The following ADGRL4 variants were observed in gnomAD, a reference collection of about 807,000 sequenced individuals.
ADGRL4 encodes the protein EGF, latrophilin and seven transmembrane domain containing 1.
Under a neutral mutation model 74.8 loss-of-function variants are expected in ADGRL4, and 90 were observed. The observed-to-expected ratio is 1.20, with a 90% CI of 1.02 to 1.43. ADGRL4 has a LOEUF of 1.43. ADGRL4 is among the 40% of genes most tolerant of loss of function. The pLI is 0.00. For synonymous variants in ADGRL4, 311 were observed against 279.2 expected (o/e 1.11, Z -1.14); for missense variants, 881 against 814.3 (o/e 1.08, Z -1.00).
intron 12 of ADGRL4, among the ~76,000 whole-genome samples, chr1:78,903,123 G>A (rs1648552689): frequency 6.6e-6 from 1 of 152,054 alleles, no homozygotes; most frequent in Non-Finnish European, 1.5e-5. Context: ...CATGCTCTAT[G>A]GAGTGGAATC....
Position 78,920,229 on chromosome 1 carries a change from A to G in ADGRL4, c.1415T>C (p.Leu472Pro). Residue 472 changes from leucine to proline, a missense_variant, in exon 10 of 15, where the codon CTT becomes CCT. By Grantham distance (98) the Leu-to-Pro change is moderately conservative. Coordinates refer to ENST00000370742, the MANE Select transcript of ADGRL4 (RefSeq NM_022159.4). ...IHKNLCCSLF[L>P]AELVFLVGIN... ...CCCAACAAGAAAAACAAGTTCAGCA[A>G]GAAATAGGCTACAGCAAAGATTTTT... 6.2e-7 allele frequency: 1 copy of G among 1,611,958 alleles called. No individual in the cohort carries two copies. Among genetic ancestry groups the G allele is most frequent in the Non-Finnish European group, 8.5e-7 (1 of 1,178,782 alleles).
intron 2 of ADGRL4, 105 bp downstream of exon 2, chr1:79,004,965 A>C (rs1295544795): frequency 9.9e-7 from 1 of 1,006,514 alleles, no homozygotes; most frequent in African/African-American, 1.7e-5. Context: ...GTATGAAATT[A>C]AACAGTATAA....
At chr1:78,975,132 T>G (rs965044176) in intron 2 of ADGRL4, among the ~76,000 whole-genome samples, 2 of 152,130 alleles carry the variant, frequency 1.3e-5, no homozygotes, top group African/African-American at 4.8e-5. Context: ...CACTTTCCTA[T>G]CTAGTCATAA....
At chr1:78,967,203 G>A (rs1022081699) in intron 2 of ADGRL4, among the ~76,000 whole-genome samples, 1 of 152,134 alleles carries the variant, frequency 6.6e-6, no homozygotes, top group African/African-American at 2.4e-5. Context: ...ATGTAAATAG[G>A]TGGACTAAAT....
intron 8 of ADGRL4, 111 bp downstream of exon 8, chr1:78,926,775 A>T: frequency 1.3e-6 from 1 of 775,958 alleles, no homozygotes; most frequent in Non-Finnish European, 2.0e-6. Flanking sequence ...TTTAATTTCA[A>T]ATCTGTATTT....
At chr1:78,946,571 A>G in intron 2 of ADGRL4, 145 bp from the exon 3 acceptor site, 1 of 620,388 alleles carries the variant, frequency 1.6e-6, no homozygotes, top group African/African-American at 1.9e-5. Flanking sequence ...TAAAGAATCC[A>G]TATTCCACAC....
Position 78,890,924 on chromosome 1 carries a change from C to T in ADGRL4, c.*230G>A. 2.0e-6 allele frequency: 1 copy of T among 507,610 alleles called. No individual in the cohort carries two copies. The highest frequency in any genetic ancestry group is 3.6e-6 in the Non-Finnish European group (1 of 280,230). The allele number at this position is 507,610 out of a possible 1,614,324, so 31.4% of individuals were successfully genotyped here. ...AATTACTTTCCAAATATCTGCAATA[C>T]TATTTTTGACAGAACTATTTCACAT... On this transcript the variant is annotated 3_prime_UTR_variant, in exon 15 of 15. Transcript: ENST00000370742.
chr1:78,993,570 CCAT>C (rs1257051998), intron 2 of ADGRL4, among the ~76,000 whole-genome samples: 11 of 103,026 alleles, frequency 1.1e-4, no homozygotes, highest in South Asian at 2.8e-4. Context: ...AGCAAAAATT[CCAT>C]TTTTTTTTTT....
chr1:78,998,965 C>T (rs1428162606), intron 2 of ADGRL4, among the ~76,000 whole-genome samples: 2 of 152,086 alleles, frequency 1.3e-5, no homozygotes, highest in Admixed American at 1.3e-4. Context: ...TAGTGTCTAG[C>T]TCACAGAAGT....
intron 12 of ADGRL4, among the ~76,000 whole-genome samples, chr1:78,906,456 C>T (rs551835323): frequency 9.9e-5 from 15 of 151,672 alleles, no homozygotes; most frequent in Non-Finnish European, 1.8e-4. Flanking sequence ...GTGACCCGCA[C>T]GGGAGTAAGT....
intron 12 of ADGRL4, among the ~76,000 whole-genome samples, chr1:78,908,667 T>C (rs1221395600): frequency 6.6e-6 from 1 of 151,996 alleles, no homozygotes; most frequent in South Asian, 2.1e-4. Context: ...CCAACATCCA[T>C]AGTTCTTCCC....
intron 1 of ADGRL4, 98 bp downstream of exon 1, chr1:79,006,535 A>G (rs1011511533): frequency 1.4e-6 from 2 of 1,388,376 alleles, no homozygotes; most frequent in African/African-American, 1.5e-5. Context: ...TTTGCCAAAT[A>G]CACTTGCCAT....
intron 7 of ADGRL4, among the ~76,000 whole-genome samples, chr1:78,934,681 T>G (rs184946931): frequency 6.6e-6 from 1 of 152,228 alleles, no homozygotes; most frequent in Admixed American, 6.5e-5. Flanking sequence ...ACCCAGCATC[T>G]ACTAGGAACT....
chr1:78,983,637 C>T (rs1478066451), intron 2 of ADGRL4, among the ~76,000 whole-genome samples: 1 of 151,638 alleles, frequency 6.6e-6, no homozygotes, highest in African/African-American at 2.4e-5. Context: ...ATTCCAAGGA[C>T]AGTAAATGAG....
intron 2 of ADGRL4, among the ~76,000 whole-genome samples, chr1:78,960,092 T>C (rs1386663731): frequency 1.3e-5 from 2 of 152,202 alleles, no homozygotes; most frequent in South Asian, 2.1e-4. Context: ...AAGATGAATC[T>C]CATCCCTCAT....
intron 2 of ADGRL4, among the ~76,000 whole-genome samples, chr1:78,969,294 T>C (rs1406228271): frequency 6.6e-6 from 1 of 152,224 alleles, no homozygotes; most frequent in Non-Finnish European, 1.5e-5. Flanking sequence ...CTCGTTGTTT[T>C]ATCAAAGCTT....
intron 12 of ADGRL4, among the ~76,000 whole-genome samples, chr1:78,901,106 A>G (rs1157561851): frequency 6.6e-6 from 1 of 152,170 alleles, no homozygotes; most frequent in African/African-American, 2.4e-5. Flanking sequence ...GGATACCAGT[A>G]TCTTGGTTCC....
intron 2 of ADGRL4, among the ~76,000 whole-genome samples, chr1:78,957,766 TGGCTACAGGAAACAATA>T (rs1316140019): frequency 1.3e-5 from 2 of 152,140 alleles, no homozygotes; most frequent in African/African-American, 4.8e-5. Context: ...TTGTTAAAAG[TGGCTACAGGAAACAATA>T]GATTTTCAGT....
intron 2 of ADGRL4, among the ~76,000 whole-genome samples, chr1:78,973,153 A>ATTTGG (rs1650205639): frequency 6.6e-6 from 1 of 152,018 alleles, no homozygotes; most frequent in African/African-American, 2.4e-5. Flanking sequence ...TAGATTCTTA[A>ATTTGG]TTTGGTTCAT....
Sources: gnomAD v4.1 joint callset for allele counts (sites outside exome capture counted in the v4.1 genomes callset) on GRCh38, gnomAD v4.1.1 for gene constraint, MANE v1.5 for transcripts, NCBI Gene and HGNC (gene_info 2026-07-23, HGNC 2026-07-21) for gene names.